Variants in INO80C observed in about 807,000 individuals in gnomAD.
INO80C encodes INO80 complex subunit C.
INO80C carries 17 observed loss-of-function variants against 17.7 expected under a neutral mutation model. That is an observed-to-expected ratio of 0.96 (90% CI 0.66 to 1.44). The LOEUF is 1.44. Among genes scored for constraint, INO80C ranks in the 40% most tolerant of loss-of-function variants. The probability of loss-of-function intolerance (pLI) is 0.00; values close to 1 mark genes in which losing one functional copy is unlikely to be tolerated. For missense variants in INO80C, 244 were observed against 245.0 expected, an observed-to-expected ratio of 1.00 and a Z score of 0.03; for synonymous variants, 96 against 95.8, an observed-to-expected ratio of 1.00 and a Z score of -0.01.
At chr18:35,491,269 G>A (rs2045930203) in intron 1 of INO80C, among the ~76,000 whole-genome samples, 1 of 152,218 alleles carries the variant, frequency 6.6e-6, no homozygotes, top group African/African-American at 2.4e-5. Context: ...TCTGCTGAGA[G>A]TAAGGAGAGG....
chr18:35,491,632 A>C (rs977037313), intron 1 of INO80C, among the ~76,000 whole-genome samples: 2 of 151,690 alleles, frequency 1.3e-5, no homozygotes, highest in African/African-American at 4.8e-5. Context: ...ACATTACTAC[A>C]CCCTTAGCCT....
intron 1 of INO80C, among the ~76,000 whole-genome samples, chr18:35,488,676 G>C (rs1028720349): frequency 6.6e-6 from 1 of 152,178 alleles, no homozygotes; most frequent in African/African-American, 2.4e-5. Context: ...CCATTGTCTT[G>C]GTGATTAACA....
At chr18:35,479,586 T>G (rs2045780795) in intron 2 of INO80C, among the ~76,000 whole-genome samples, 175 bp from the exon 3 acceptor site, 1 of 152,178 alleles carries the variant, frequency 6.6e-6, no homozygotes, top group South Asian at 2.1e-4. Flanking sequence ...ATGTTAATCT[T>G]AGTTTAAAAA....
chr18:35,485,219 C>T (rs1235043029), intron 1 of INO80C, among the ~76,000 whole-genome samples: 1 of 152,016 alleles, frequency 6.6e-6, no homozygotes, highest in Non-Finnish European at 1.5e-5. Context: ...AAAACTTAGT[C>T]CATAACAGCA....
intron 4 of INO80C, among the ~76,000 whole-genome samples, chr18:35,469,076 CA>C (rs2045638203): frequency 6.6e-6 from 1 of 152,206 alleles, no homozygotes; most frequent in African/African-American, 2.4e-5. Context: ...CTCTTTCCAA[CA>C]AATGTCCCAG....
At chr18:35,489,240 C>A in intron 1 of INO80C, 1 of 223,990 alleles carries the variant, frequency 4.5e-6, no homozygotes. Context: ...CTACCGGTAC[C>A]AATTTATTGT....
intron 1 of INO80C, chr18:35,497,437 T>C (rs1398655037): frequency 8.1e-7 from 1 of 1,235,088 alleles, no homozygotes; most frequent in Non-Finnish European, 1.0e-6. Context: ...CTGAACCTCA[T>C]GCTAAAGGCG....
Position 35,468,465 on chromosome 18 carries a change from CTTAAA to C in INO80C, c.*141_*145del, listed in dbSNP as rs2045628970. On this transcript the variant is annotated 3_prime_UTR_variant, in exon 5 of 5. Coordinates refer to ENST00000334598, the MANE Select transcript of INO80C (RefSeq NM_194281.4). ...ACACACACTAAAAAAAAAAAAAACC[CTTAAA>C]TTAAAGCCAAACATTCTTTCCAAGG... 3 of 1,459,466 alleles carry C rather than the reference CTTAAA, an allele frequency of 2.1e-6. No homozygotes were observed. The highest frequency in any genetic ancestry group is 2.7e-6 in the Non-Finnish European group (3 of 1,107,932). The allele number at this position is 1,459,466 out of a possible 1,614,324, so 90.4% of individuals were successfully genotyped here. A position where few individuals can be genotyped will look rare whatever the true frequency, so the allele number is the denominator to read the frequency against.
intron 1 of INO80C, among the ~76,000 whole-genome samples, chr18:35,492,053 T>G (rs979230430): frequency 6.6e-6 from 1 of 152,214 alleles, no homozygotes; most frequent in Non-Finnish European, 1.5e-5. Flanking sequence ...CAGACAGTAG[T>G]GTGCTTGACT....
At chr18:35,472,261 C>T (rs973325281) in intron 4 of INO80C, among the ~76,000 whole-genome samples, 2 of 152,158 alleles carry the variant, frequency 1.3e-5, no homozygotes, top group Non-Finnish European at 2.9e-5. Context: ...CTCTCCAGCA[C>T]CTGTTGTTTC....
intron 4 of INO80C, among the ~76,000 whole-genome samples, chr18:35,471,849 GGT>G (rs879943177): frequency 1.6e-4 from 24 of 150,218 alleles, no homozygotes; most frequent in Non-Finnish European, 3.4e-4. Context: ...GACAACATGC[GGT>G]GTTTGGTTTT....
At chr18:35,486,975 TAA>T (rs1293552409) in intron 1 of INO80C, among the ~76,000 whole-genome samples, 1 of 152,090 alleles carries the variant, frequency 6.6e-6, no homozygotes, top group Non-Finnish European at 1.5e-5. Flanking sequence ...CAATGGATAT[TAA>T]AAGTCACTGG....
chr18:35,491,780 T>C (rs1416980650), intron 1 of INO80C, among the ~76,000 whole-genome samples: 1 of 152,186 alleles, frequency 6.6e-6, no homozygotes, highest in African/African-American at 2.4e-5. Context: ...ACTAAAGCAC[T>C]ATTATCACTA....
chr18:35,478,363 A>C lies in INO80C; in HGVS notation c.380-14T>G. On this transcript the variant is annotated splice_polypyrimidine_tract_variant and intron_variant, in intron 3 of 4. Transcript: ENST00000334598. ...CAATACTGAAGTCTGGGAAAAAAAA[A>C]AAAAAAAGATAACTAAACTGAACTG... is the stretch of plus-strand genomic sequence containing the variant. 1 of 1,565,716 alleles carries C rather than the reference A, an allele frequency of 6.4e-7. No individual in the cohort carries two copies. The highest frequency in any genetic ancestry group is 8.6e-7 in the Non-Finnish European group (1 of 1,157,420).
chr18:35,469,725 G>A (rs1385609051), intron 4 of INO80C, among the ~76,000 whole-genome samples: 1 of 152,168 alleles, frequency 6.6e-6, no homozygotes, highest in African/African-American at 2.4e-5. Context: ...CTTTGATGAT[G>A]GTCTAGGCTA....
At chr18:35,476,102 C>A (rs2045732733) in intron 4 of INO80C, among the ~76,000 whole-genome samples, 1 of 152,074 alleles carries the variant, frequency 6.6e-6, no homozygotes, top group South Asian at 2.1e-4. Context: ...ATGAAAGTAA[C>A]CATTCATAAT....
At chr18:35,484,639 C>A (rs1465927443) in intron 1 of INO80C, among the ~76,000 whole-genome samples, 1 of 152,184 alleles carries the variant, frequency 6.6e-6, no homozygotes, top group African/African-American at 2.4e-5. Flanking sequence ...TATAAGTAAT[C>A]TAGACGTGGT....
rs144987740 is a variant in INO80C at position 35,485,222 on chromosome 18, T to C, written c.157-4659A>G. Among the ~76,000 whole-genome samples, 761 of 152,134 alleles carry C rather than the reference T, an allele frequency of 5.0e-3. 3 individuals carry two copies. The highest frequency in any genetic ancestry group is 0.017 in the African/African-American group (690 of 41,506). ...CATGGGGGTACCAAAACTTAGTCCA[T>C]AACAGCACCCAAAAAATGATAGGGG... On this transcript the variant is annotated intron_variant, in intron 1 of 4. Transcript: ENST00000334598.
intron 4 of INO80C, among the ~76,000 whole-genome samples, chr18:35,471,932 T>C (rs1248420200): frequency 6.6e-6 from 1 of 152,190 alleles, no homozygotes. Context: ...GGACATGAAC[T>C]CATCATTTTT....
Sources: allele counts gnomAD v4.1 joint callset (sites outside exome capture counted in the v4.1 genomes callset), GRCh38; gene constraint gnomAD v4.1.1; transcripts MANE v1.5; gene names NCBI Gene and HGNC (gene_info 2026-07-23, HGNC 2026-07-21).